CMSS1: variants seen among roughly 807,000 people sequenced by gnomAD.
The protein encoded by CMSS1 is cms1 ribosomal small subunit homolog.
In CMSS1, 33 loss-of-function variants were observed where a neutral mutation model predicts 43.5. The ratio of observed to expected loss-of-function variants is 0.76; its 90% confidence interval spans 0.57 to 1.01. CMSS1 has a LOEUF of 1.01. CMSS1 is among the 50% of genes least tolerant of loss of function. CMSS1 has a pLI of 0.00. For missense variants in CMSS1, 313 were observed against 326.4 expected (o/e 0.96, Z 0.32); for synonymous variants, 115 against 117.2 (o/e 0.98, Z 0.12).
chr3:99,883,427 G>T (rs948550749), intron 1 of CMSS1, among the ~76,000 whole-genome samples: 2 of 152,166 alleles, frequency 1.3e-5, no homozygotes, highest in South Asian at 2.1e-4. Flanking sequence ...GTGTCCAAAA[G>T]GTTGGTGCTT....
chr3:100,030,194 G>A (rs2065000333), intron 1 of CMSS1, among the ~76,000 whole-genome samples: 1 of 152,116 alleles, frequency 6.6e-6, no homozygotes, highest in Admixed American at 6.6e-5. Flanking sequence ...CTATTTTCTA[G>A]TTTAATATTA....
chr3:100,025,539 G>A (rs917840817), intron 1 of CMSS1: 6 of 152,152 alleles, frequency 3.9e-5, no homozygotes, highest in Non-Finnish European at 5.9e-5. Context: ...GGGGAAAGAT[G>A]TTATACTCGA....
At chr3:99,998,028 G>T (rs1444974161) in intron 1 of CMSS1, among the ~76,000 whole-genome samples, 1 of 152,224 alleles carries the variant, frequency 6.6e-6, no homozygotes, top group Non-Finnish European at 1.5e-5. Flanking sequence ...GTTAACTGGT[G>T]TGGAAAACTT....
chr3:100,128,427 A>T (rs576761099), intron 1 of CMSS1, among the ~76,000 whole-genome samples: 2 of 152,382 alleles, frequency 1.3e-5, no homozygotes, highest in African/African-American at 2.4e-5. Context: ...TAAACATAAC[A>T]TATGGTAGAG....
At chr3:99,936,251 ATAATAG>A (rs983080132) in intron 1 of CMSS1, among the ~76,000 whole-genome samples, 13 of 151,996 alleles carry the variant, frequency 8.6e-5, no homozygotes, top group Non-Finnish European at 7.4e-5. Flanking sequence ...GAGAAAGAAA[ATAATAG>A]TAATAATGGT....
intron 1 of CMSS1, among the ~76,000 whole-genome samples, chr3:100,001,875 C>T (rs1709851654): frequency 6.6e-6 from 1 of 152,176 alleles, no homozygotes; most frequent in East Asian, 1.9e-4. Flanking sequence ...TTACCCTCCC[C>T]TAAGCTGCTC....
intron 1 of CMSS1, among the ~76,000 whole-genome samples, chr3:99,983,922 C>T (rs1394892585): frequency 6.6e-6 from 1 of 151,920 alleles, no homozygotes; most frequent in Non-Finnish European, 1.5e-5. Flanking sequence ...TAGAGGAAGG[C>T]CAAGAGAGGA....
intron 1 of CMSS1, among the ~76,000 whole-genome samples, chr3:100,000,765 G>A (rs1709819250): frequency 6.6e-6 from 1 of 152,208 alleles, no homozygotes; most frequent in Admixed American, 6.5e-5. Context: ...AGTAGCCACT[G>A]TTTACAGTTT....
chr3:100,005,200 C>T (rs1055493610), intron 1 of CMSS1, among the ~76,000 whole-genome samples: 2 of 152,134 alleles, frequency 1.3e-5, no homozygotes, highest in Non-Finnish European at 2.9e-5. Context: ...TGTATAGCAC[C>T]TTGTATTGTT....
intron 1 of CMSS1, among the ~76,000 whole-genome samples, chr3:99,860,913 T>A (rs1559663959): frequency 2.6e-5 from 4 of 152,218 alleles, no homozygotes; most frequent in South Asian, 2.1e-4. Context: ...ACTCTTTTAA[T>A]TTTTCTTATT....
chr3:100,123,757 G>A (rs1271240591), intron 1 of CMSS1, among the ~76,000 whole-genome samples: 1 of 152,190 alleles, frequency 6.6e-6, no homozygotes, highest in Non-Finnish European at 1.5e-5. Flanking sequence ...TGTCAGAAGT[G>A]CTGTCTTTCA....
rs200099286 is a variant in CMSS1, at chr3:99,912,094, A to G, written c.64+94051A>G. Among the ~76,000 whole-genome samples, 4 of 152,350 alleles carry G rather than the reference A, an allele frequency of 2.6e-5. No homozygotes were observed. In the East Asian group the frequency reaches 7.7e-4, roughly 29 times the overall value. On this transcript the variant is annotated intron_variant, in intron 1 of 9. Coordinates refer to ENST00000421999, the MANE Select transcript of CMSS1 (RefSeq NM_032359.4). Reference sequence around the variant, plus strand: ...CATTATCATCAATAGTTTTATATCTATCTTGTTGGTCATTTAAATCAATCA... The same window carrying G: ...CATTATCATCAATAGTTTTATATCTGTCTTGTTGGTCATTTAAATCAATCA...
intron 1 of CMSS1, among the ~76,000 whole-genome samples, chr3:99,950,706 G>A (rs1459612722): frequency 2.6e-5 from 4 of 152,032 alleles, no homozygotes; most frequent in African/African-American, 7.3e-5. Flanking sequence ...CTCTTTACAC[G>A]TTTCATATAT....
At chr3:99,978,801 C>G (rs1056377822) in intron 1 of CMSS1, among the ~76,000 whole-genome samples, 4 of 152,078 alleles carry the variant, frequency 2.6e-5, no homozygotes, top group African/African-American at 7.2e-5. Flanking sequence ...ACGAGAGTCA[C>G]TTGAACCCAG....
intron 1 of CMSS1, among the ~76,000 whole-genome samples, chr3:99,965,998 T>C (rs1708640138): frequency 6.6e-6 from 1 of 152,218 alleles, no homozygotes. Flanking sequence ...TCTCATTTGC[T>C]GCCTCTGGGT....
intron 1 of CMSS1, chr3:99,848,623 C>T (rs746025167): frequency 3.7e-6 from 6 of 1,614,010 alleles, no homozygotes; most frequent in African/African-American, 2.7e-5. Flanking sequence ...TTCTGGGGAG[C>T]GTCCCTGCTC....
intron 1 of CMSS1, among the ~76,000 whole-genome samples, chr3:99,983,393 T>TAAATAAATAA (rs1401992303): frequency 5.7e-5 from 5 of 87,058 alleles, no homozygotes; most frequent in African/African-American, 2.6e-4. Flanking sequence ...TAAATAAATA[T>TAAATAAATAA]ATATATATAT....
At chr3:99,999,362 A>G (rs1709776528) in intron 1 of CMSS1, among the ~76,000 whole-genome samples, 1 of 152,178 alleles carries the variant, frequency 6.6e-6, no homozygotes, top group Non-Finnish European at 1.5e-5. Context: ...CCTGCATCAG[A>G]GTCATAAGTA....
At chr3:99,886,885 G>T (rs571057465) in intron 1 of CMSS1, among the ~76,000 whole-genome samples, 9 of 151,304 alleles carry the variant, frequency 5.9e-5, no homozygotes, top group Non-Finnish European at 1.3e-4. Context: ...CAGGAGAATC[G>T]CTTGAACCTG....
Sources: gnomAD v4.1 joint callset for allele counts (sites outside exome capture counted in the v4.1 genomes callset) on GRCh38, gnomAD v4.1.1 for gene constraint, MANE v1.5 for transcripts, NCBI Gene and HGNC (gene_info 2026-07-23, HGNC 2026-07-21) for gene names.